The following SBF2 variants were observed in gnomAD, a reference collection of about 807,000 sequenced individuals.
SBF2 encodes myotubularin-related protein 13.
Under a neutral mutation model 225.2 loss-of-function variants are expected in SBF2, and 112 were observed. The observed-to-expected ratio is 0.50, with a 90% CI of 0.43 to 0.58. The LOEUF is 0.58. Among genes scored for constraint, SBF2 ranks in the 20% least tolerant of loss-of-function variants. The pLI is 0.00. For synonymous variants in SBF2, 763 were observed against 773.3 expected (o/e 0.99, Z 0.22); for missense variants, 1,996 against 2,206.2 (o/e 0.90, Z 1.91).
intron 1 of SBF2, among the ~76,000 whole-genome samples, chr11:10,220,852 C>T (rs1247773710): frequency 6.6e-6 from 1 of 152,152 alleles, no homozygotes; most frequent in Non-Finnish European, 1.5e-5. Flanking sequence ...TAGGCCCCCA[C>T]ATACATATTT....
intron 1 of SBF2, among the ~76,000 whole-genome samples, chr11:10,242,462 C>T (rs970992846): frequency 5.3e-5 from 8 of 151,746 alleles, no homozygotes; most frequent in East Asian, 1.9e-4. Flanking sequence ...AACTATAAAA[C>T]GGACAGAAAA....
chr11:10,139,674 CTTTA>C (rs1330676346), intron 2 of SBF2, among the ~76,000 whole-genome samples: 1 of 152,150 alleles, frequency 6.6e-6, no homozygotes, highest in African/African-American at 2.4e-5. Context: ...TAGCTATTTG[CTTTA>C]TTTAATTTTT....
chr11:10,045,672 T>C (rs1949833608), intron 2 of SBF2, among the ~76,000 whole-genome samples: 1 of 152,172 alleles, frequency 6.6e-6, no homozygotes, highest in Non-Finnish European at 1.5e-5. Context: ...GGATAATCAA[T>C]GAATATTATG....
chr11:9,784,496 A>T, intron 37 of SBF2, 58 bp from the exon 38 acceptor site: 1 of 1,290,458 alleles, frequency 7.7e-7, no homozygotes, highest in East Asian at 2.3e-5. Context: ...AATGCTGTAA[A>T]GGGGAGGGGA....
At chr11:10,118,678 T>G (rs1953282964) in intron 2 of SBF2, among the ~76,000 whole-genome samples, 1 of 152,202 alleles carries the variant, frequency 6.6e-6, no homozygotes, top group South Asian at 2.1e-4. Flanking sequence ...TTTTAGAAGA[T>G]GTAATGTACC....
intron 1 of SBF2, among the ~76,000 whole-genome samples, chr11:10,227,688 T>C (rs536390456): frequency 1.3e-5 from 2 of 152,340 alleles, no homozygotes; most frequent in East Asian, 1.9e-4. Context: ...TATATATCTG[T>C]TTTGGTACCA....
At chr11:10,284,140 A>C (rs1021262208) in intron 1 of SBF2, among the ~76,000 whole-genome samples, 1 of 152,206 alleles carries the variant, frequency 6.6e-6, no homozygotes, top group Non-Finnish European at 1.5e-5. Context: ...GAATTAATAC[A>C]GAAACCATAT....
At chr11:9,806,658 G>A (rs1411246583) in intron 32 of SBF2, among the ~76,000 whole-genome samples, 3 of 152,190 alleles carry the variant, frequency 2.0e-5, no homozygotes, top group Non-Finnish European at 4.4e-5. Context: ...TCCAGTTACT[G>A]CTTGGACAGA....
In SBF2 at chr11:9,856,484, G is replaced by A. The variant is rs140730386; in HGVS notation, c.2337C>T (p.Ser779=). 5.4e-4 allele frequency: 872 copies of A among 1,614,042 alleles called. 3 individuals carry two copies. Among genetic ancestry groups the A allele is most frequent in the African/African-American group, 3.1e-3 (231 of 75,022 alleles). ...LRTSAPGDWE[S]GSNSIVTNSI... is the part of the protein sequence containing the mutation. ...TGTTTGTGACAATGCTGTTGCTTCC[G>A]CTCTCCCAGTCACCTGGCGCTGATG... Residue 779 remains serine (S), a synonymous_variant, in exon 19 of 40, where the codon AGC becomes AGT. Transcript: ENST00000256190.
At chr11:10,004,588 A>C (rs1185550927) in intron 6 of SBF2, among the ~76,000 whole-genome samples, 15 of 148,778 alleles carry the variant, frequency 1.0e-4, no homozygotes, top group East Asian at 2.0e-4. Context: ...AAAAAAAAAA[A>C]AAAAAAACAA....
At chr11:10,011,511 G>T (rs994309497) in intron 6 of SBF2, among the ~76,000 whole-genome samples, 1 of 152,190 alleles carries the variant, frequency 6.6e-6, no homozygotes, top group Non-Finnish European at 1.5e-5. Flanking sequence ...GAGCCACCAC[G>T]CCTGGCCTTC....
intron 1 of SBF2, among the ~76,000 whole-genome samples, chr11:10,241,528 T>C (rs971134138): frequency 2.0e-5 from 3 of 151,740 alleles, no homozygotes; most frequent in African/African-American, 7.3e-5. Context: ...AGTTGGTTGT[T>C]AATTTGATAA....
intron 14 of SBF2, among the ~76,000 whole-genome samples, chr11:9,967,971 C>CTCTCTCTCTCTATATATATATA (rs1260685462): frequency 3.3e-5 from 3 of 91,508 alleles, no homozygotes; most frequent in Non-Finnish European, 7.0e-5. Context: ...CTCTCTCTCT[C>CTCTCTCTCTCTATATATATATA]TATATATATA....
At chr11:10,004,108 T>C (rs552350327) in intron 6 of SBF2, among the ~76,000 whole-genome samples, 5 of 152,302 alleles carry the variant, frequency 3.3e-5, no homozygotes, top group Middle Eastern at 3.4e-3. Context: ...TTTTCACTAA[T>C]GTAATAGTTT....
At chr11:9,852,804 C>A in intron 20 of SBF2, 55 bp from the exon 21 acceptor site, 2 of 1,283,654 alleles carry the variant, frequency 1.6e-6, no homozygotes, top group Non-Finnish European at 2.3e-6. Context: ...AGGATAAAAA[C>A]AAATTCTGGA....
chr11:10,073,840 C>T (rs1950988395), intron 2 of SBF2, among the ~76,000 whole-genome samples: 1 of 152,136 alleles, frequency 6.6e-6, no homozygotes, highest in South Asian at 2.1e-4. Context: ...GCAATATACA[C>T]ACTTACATAC....
intron 2 of SBF2, among the ~76,000 whole-genome samples, chr11:10,159,719 T>C (rs1023892758): frequency 6.6e-6 from 1 of 151,968 alleles, no homozygotes; most frequent in Non-Finnish European, 1.5e-5. Context: ...TGAAACCCCG[T>C]CTCTACTAAA....
intron 1 of SBF2, among the ~76,000 whole-genome samples, chr11:10,238,538 T>A (rs551733408): frequency 2.8e-4 from 38 of 136,524 alleles, no homozygotes; most frequent in Non-Finnish European, 5.1e-4. Flanking sequence ...ACAAGAAGAT[T>A]AACATTTTCT....
intron 17 of SBF2, among the ~76,000 whole-genome samples, chr11:9,875,900 C>T (rs1859187305): frequency 7.0e-6 from 1 of 143,726 alleles, no homozygotes; most frequent in African/African-American, 2.5e-5. Context: ...ACTCGTTAAA[C>T]TTAAATCACT....
Sources: allele counts gnomAD v4.1 joint callset (sites outside exome capture counted in the v4.1 genomes callset), GRCh38; gene constraint gnomAD v4.1.1; transcripts MANE v1.5; gene names NCBI Gene and HGNC (gene_info 2026-07-23, HGNC 2026-07-21).